Variants in HSPB7 observed in about 807,000 individuals in gnomAD.
HSPB7 encodes heat shock protein beta-7.
Under a neutral mutation model 11.0 loss-of-function variants are expected in HSPB7, and 9 were observed. The observed-to-expected ratio is 0.82, with a 90% CI of 0.49 to 1.43. The LOEUF (loss-of-function observed/expected upper bound fraction) is 1.43, where lower values mean the gene tolerates loss of function less well. Ranked by LOEUF, HSPB7 falls within the 40% of genes most tolerant of loss-of-function variation. HSPB7 has a pLI of 0.00. For missense variants in HSPB7, 246 were observed against 243.9 expected (o/e 1.01, Z -0.06); for synonymous variants, 102 against 101.6 (o/e 1.00, Z -0.02).
rs1271455265 is a variant in HSPB7, at chr1:16,015,455, T to C, written c.*125A>G. On this transcript the variant is annotated 3_prime_UTR_variant, in exon 3 of 3. Coordinates refer to ENST00000311890, the MANE Select transcript of HSPB7 (RefSeq NM_014424.5). This position sits in a 1 kb window ranked among gnomAD's most constrained non-coding sequence, Gnocchi z 4.9. ...CCCTAGTTTGGGAGGATGGTCCACC[T>C]GGGGTCTGGGGTGCGTGGGGGCTAG... The C allele has an allele frequency of 4.6e-6, 4 of 871,374 alleles. No homozygotes were observed. Among genetic ancestry groups the C allele is most frequent in the Non-Finnish European group, 7.2e-6 (4 of 555,082 alleles). The allele number at this position is 871,374 out of a possible 1,614,324, so 54.0% of individuals were successfully genotyped here.
upstream of HSPB7, chr1:16,019,033 C>T: frequency 8.7e-7 from 1 of 1,148,602 alleles, no homozygotes; most frequent in Non-Finnish European, 1.2e-6. Flanking sequence ...CCTTCAGAGG[C>T]CGAGGTGGTT....
Position 16,015,042 on chromosome 1 carries a change from G to T in HSPB7, c.*538C>A, listed in dbSNP as rs2021590056. On this transcript the variant is annotated 3_prime_UTR_variant, in exon 3 of 3. Coordinates refer to ENST00000311890, the MANE Select transcript of HSPB7 (RefSeq NM_014424.5). This position sits in a 1 kb window ranked among gnomAD's most constrained non-coding sequence, Gnocchi z 4.9. ...CCTGCTCGCTGGCGTGGGGCTTGGA[G>T]GCTGGTAGAGGGGAAGTTTACCGTC... The T allele has an allele frequency of 6.5e-6, 1 of 154,286 alleles. No individual in the cohort carries two copies. Among genetic ancestry groups the T allele is most frequent in the Non-Finnish European group, 1.4e-5 (1 of 69,280 alleles). 9.6% of individuals were successfully genotyped at this position (154,286 alleles called of 1,614,324 possible). A position where few individuals can be genotyped will look rare whatever the true frequency, so the allele number is the denominator to read the frequency against.
intron 1 of HSPB7, 31 bp from the exon 2 acceptor site, chr1:16,017,238 GGAGCAGGCCTTGCATGCA>G: frequency 1.2e-6 from 2 of 1,603,160 alleles, no homozygotes; most frequent in Non-Finnish European, 1.7e-6. Flanking sequence ...AGCGAGGCAT[GGAGCAGGCCTTGCATGCA>G]GATCCGGGGG....
At chr1:16,017,355 A>G in intron 1 of HSPB7, 148 bp from the exon 2 acceptor site, 3 of 1,022,712 alleles carry the variant, frequency 2.9e-6, no homozygotes, top group South Asian at 1.6e-5. Flanking sequence ...CCTCATTCCT[A>G]CAGCCCACCT....
chr1:16,017,749 G>T lies in HSPB7; in HGVS notation c.199+16C>A. 6.4e-7 allele frequency: 1 copy of T among 1,565,190 alleles called. No individual in the cohort carries two copies. The highest frequency in any genetic ancestry group is 8.7e-7 in the Non-Finnish European group (1 of 1,155,994). The stretch of plus-strand genomic sequence containing the variant: ...CCCTGTGCACCTCCCCTCCCCTCAG[G>T]GCCCGGATCACTTGCCTGGGAAGGC... On this transcript the variant is annotated intron_variant, in intron 1 of 2. Coordinates refer to ENST00000311890, the MANE Select transcript of HSPB7 (RefSeq NM_014424.5).
At chr1:16,018,569 G>A (rs555822003), upstream of HSPB7, 63 of 1,058,874 alleles carry the variant, frequency 5.9e-5, 1 homozygote, top group Middle Eastern at 9.0e-4. Flanking sequence ...GCCAGGGGGT[G>A]TAAAATGTGC....
At chr1:16,017,568 C>G in intron 1 of HSPB7, 197 bp downstream of exon 1, 1 of 603,844 alleles carries the variant, frequency 1.7e-6, no homozygotes, top group Non-Finnish European at 2.9e-6. Flanking sequence ...AGGGCCACAA[C>G]TGTTCCTTAG....
Position 16,015,184 on chromosome 1 carries a change from A to G in HSPB7, c.*396T>C, listed in dbSNP as rs148501647. 239 of 171,468 alleles carry G rather than the reference A, an allele frequency of 1.4e-3. 1 individual carries two copies. The highest frequency in any genetic ancestry group is 5.3e-3 in the African/African-American group (221 of 41,824). 10.6% of individuals were successfully genotyped at this position (171,468 alleles called of 1,614,324 possible). ...CACTCCCCTTGGCCAAGAGGGTTCC[A>G]GGTCCCTGGTCCCCTTGCCCTGCAG... On this transcript the variant is annotated 3_prime_UTR_variant, in exon 3 of 3. Coordinates refer to ENST00000311890, the MANE Select transcript of HSPB7 (RefSeq NM_014424.5). This position sits in a 1 kb window ranked among gnomAD's most constrained non-coding sequence, Gnocchi z 4.9.
At chr1:16,018,770 G>A, upstream of HSPB7, 2 of 1,090,452 alleles carry the variant, frequency 1.8e-6, no homozygotes, top group Non-Finnish European at 2.2e-6. Flanking sequence ...CCTTAGGTGG[G>A]ATTTCAGTCA....
At chr1:16,018,171 C>T (rs373446527), upstream of HSPB7, 27 of 1,526,850 alleles carry the variant, frequency 1.8e-5, no homozygotes, top group Admixed American at 4.0e-5. Flanking sequence ...TCCCGTGCGC[C>T]GGCCCTGCTG....
chr1:16,018,696 TAG>T, upstream of HSPB7: 8 of 1,039,240 alleles, frequency 7.7e-6, no homozygotes, highest in Non-Finnish European at 9.3e-6. Context: ...CTTAAAGGTC[TAG>T]AAGGTTGTGT....
rs1397849380 is a variant in HSPB7 at position 16,015,575 on chromosome 1, G to A, written c.*5C>T. ...GGGGGACAGGGAAAGGGAAGGGAGA[G>A]GCACTCAGATTTTGATCTCCGTCCG... is the stretch of plus-strand genomic sequence containing the variant. On this transcript the variant is annotated 3_prime_UTR_variant, in exon 3 of 3. Transcript: ENST00000311890. The surrounding 1 kb of genome is among the most constrained non-coding windows in gnomAD (Gnocchi z 4.9). 4 of 1,613,770 alleles carry A rather than the reference G, an allele frequency of 2.5e-6. No individual in the cohort carries two copies. Among genetic ancestry groups the A allele is most frequent in the African/African-American group, 1.3e-5 (1 of 75,018 alleles).
In HSPB7 at chr1:16,014,037, AC is replaced by A. The variant is rs1262080049; in HGVS notation, c.*1542del. 2 of 152,114 alleles carry A rather than the reference AC, an allele frequency of 1.3e-5. No individual in the cohort carries two copies. Among genetic ancestry groups the A allele is most frequent in the African/African-American group, 4.8e-5 (2 of 41,400 alleles). 9.4% of individuals were successfully genotyped at this position (152,114 alleles called of 1,614,324 possible). A position where few individuals can be genotyped will look rare whatever the true frequency, so the allele number is the denominator to read the frequency against. Reference sequence around the variant, plus strand: ...CAGGCGGCCTCCAGAAGTCTGTGAGACTGTCCTTTATTGTGTATACAGGTTC... The same window carrying A: ...CAGGCGGCCTCCAGAAGTCTGTGAGATGTCCTTTATTGTGTATACAGGTTC... On this transcript the variant is annotated 3_prime_UTR_variant, in exon 3 of 3. Transcript: ENST00000311890.
intron 2 of HSPB7, among the ~76,000 whole-genome samples, chr1:16,016,590 AGATGGGG>A: frequency 6.6e-6 from 1 of 152,306 alleles, no homozygotes; most frequent in East Asian, 1.9e-4. Flanking sequence ...AGGGGTCCCA[AGATGGGG>A]GATGGGTCTC....
chr1:16,017,199 C>T lies in HSPB7; in HGVS notation c.208G>A (p.Gly70Ser), dbSNP rs150513998. ...SEPLAFPARP[G>S]GAGNIKTLGD... ...AGGGTCTTGATGTTGCCTGCCCCAC[C>T]GGGGCGGGCTGTGGGATGGGCTGCT... Residue 70 changes from glycine (G) to serine (S), a missense_variant, in exon 2 of 3, where the codon GGT becomes AGT. By Grantham distance (56) the Gly-to-Ser change is moderately conservative (BLOSUM62 0). Transcript: ENST00000311890. 219 of 1,612,764 alleles carry T rather than the reference C, an allele frequency of 1.4e-4. 1 individual carries two copies. The highest frequency in any genetic ancestry group is 1.1e-4 in the Non-Finnish European group (126 of 1,179,088).
Position 16,015,881 on chromosome 1 carries a change from T to C in HSPB7, c.334-122A>G. 1 of 979,800 alleles carries C rather than the reference T, an allele frequency of 1.0e-6. No individual in the cohort carries two copies. The highest frequency in any genetic ancestry group is 1.5e-6 in the Non-Finnish European group (1 of 678,936). 60.7% of individuals were successfully genotyped at this position (979,800 alleles called of 1,614,324 possible). A position where few individuals can be genotyped will look rare whatever the true frequency, so the allele number is the denominator to read the frequency against. On this transcript the variant is annotated intron_variant, in intron 2 of 2. Coordinates refer to ENST00000311890, the MANE Select transcript of HSPB7 (RefSeq NM_014424.5). This position sits in a 1 kb window ranked among gnomAD's most constrained non-coding sequence, Gnocchi z 4.9. Reference sequence around the variant, plus strand: ...CCCCACATGCCGAGGGGCTCTGCCCTCAGGTGCCGAGGGGCTGCCCAGGGT... The same window carrying C: ...CCCCACATGCCGAGGGGCTCTGCCCCCAGGTGCCGAGGGGCTGCCCAGGGT...
rs1199861032 is a variant in HSPB7, at chr1:16,017,797, A to G, written c.167T>C (p.Met56Thr). 5 of 1,611,916 alleles carry G rather than the reference A, an allele frequency of 3.1e-6. No individual in the cohort carries two copies. The highest frequency in any genetic ancestry group is 1.1e-5 in the South Asian group (1 of 90,570). The change falls in exon 1 of 3, where the codon ATG (methionine) becomes ACG (threonine). Residue 56 changes from methionine (M) to threonine (T), a missense_variant. Transcript: ENST00000311890. ...GGCCAGGGGCTCCGAGTGGGGCCGC[A>G]TGAAGCTGCCAAAGTCATCGGAAAA... ...SMFSDDFGSF[M>T]RPHSEPLAFP...
In HSPB7 at chr1:16,017,787, G is replaced by A. The variant is rs200026292; in HGVS notation, c.177C>T (p.His59=). The change falls in exon 1 of 3, where the codon CAC becomes CAT. Residue 59 remains histidine (H), a synonymous_variant. Transcript: ENST00000311890. ...SDDFGSFMRP[H]SEPLAFPARP... ...TGCCTGGGAAGGCCAGGGGCTCCGA[G>A]TGGGGCCGCATGAAGCTGCCAAAGT... is the stretch of plus-strand genomic sequence containing the variant. The A allele has an allele frequency of 6.2e-7, 1 of 1,609,198 alleles. No homozygotes were observed. Among genetic ancestry groups the A allele is most frequent in the Non-Finnish European group, 8.5e-7 (1 of 1,177,868 alleles).
At chr1:16,016,379 C>T (rs2021732298) in intron 2 of HSPB7, among the ~76,000 whole-genome samples, 1 of 152,204 alleles carries the variant, frequency 6.6e-6, no homozygotes, top group Admixed American at 6.5e-5. Context: ...CTCCTGGCAG[C>T]CGTGGCTGTC....
Sources: allele counts gnomAD v4.1 joint callset (sites outside exome capture counted in the v4.1 genomes callset), GRCh38; gene constraint gnomAD v4.1.1; non-coding constraint Gnocchi (gnomAD v3.1); transcripts MANE v1.5; gene names NCBI Gene and HGNC (gene_info 2026-07-23, HGNC 2026-07-21).